VGLL4: variants seen among roughly 807,000 people sequenced by gnomAD.
VGLL4 encodes the protein vestigial like family member 4, also known as transcription cofactor vestigial-like protein 4.
VGLL4 carries 7 observed loss-of-function variants against 21.0 expected under a neutral mutation model. The observed-to-expected ratio is 0.33, with a 90% confidence interval of 0.19 to 0.63. The LOEUF (loss-of-function observed/expected upper bound fraction) is 0.63. Among genes scored for constraint, VGLL4 ranks in the 20% least tolerant of loss-of-function variants. VGLL4 has a pLI of 0.78. For synonymous variants in VGLL4, 222 were observed against 173.2 expected, an observed-to-expected ratio of 1.28 and a Z score of -2.21; for missense variants, 394 against 425.7, an observed-to-expected ratio of 0.93 and a Z score of 0.66.
At chr3:11,641,118 CAAA>C (rs10547055) in intron 1 of VGLL4, among the ~76,000 whole-genome samples, 38 of 91,782 alleles carry the variant, frequency 4.1e-4, no homozygotes, top group Admixed American at 6.1e-4. Context: ...ACTTCATCAC[CAAA>C]AAAAAAAAAA....
intron 2 of VGLL4, among the ~76,000 whole-genome samples, chr3:11,581,681 C>G (rs2125225516): frequency 6.6e-6 from 1 of 152,326 alleles, no homozygotes; most frequent in East Asian, 1.9e-4. Context: ...AGCAGGGACT[C>G]AAGTACAATT....
At chr3:11,628,543 G>A (rs544763689) in intron 1 of VGLL4, among the ~76,000 whole-genome samples, 15 of 152,042 alleles carry the variant, frequency 9.9e-5, no homozygotes, top group East Asian at 7.8e-4. Flanking sequence ...AATCTCGGCC[G>A]GGCGCGGTGG....
chr3:11,619,175 T>G (rs1430012805), intron 1 of VGLL4, among the ~76,000 whole-genome samples: 4 of 152,156 alleles, frequency 2.6e-5, no homozygotes, highest in Admixed American at 6.5e-5. Flanking sequence ...GCCCTGCACT[T>G]CAAAGGTACA....
intron 1 of VGLL4, among the ~76,000 whole-genome samples, chr3:11,624,462 A>C (rs976884242): frequency 3.7e-4 from 56 of 152,218 alleles, no homozygotes; most frequent in Non-Finnish European, 7.3e-5. Context: ...CTAACACGTG[A>C]AACAGCTCAA....
At chr3:11,710,776 G>T (rs988624587) in intron 1 of VGLL4, among the ~76,000 whole-genome samples, 15 of 152,192 alleles carry the variant, frequency 9.9e-5, no homozygotes, top group Non-Finnish European at 1.9e-4. Flanking sequence ...ATCACACCAT[G>T]GCATGGGGTG....
chr3:11,567,598 G>A (rs2073596130), intron 2 of VGLL4, among the ~76,000 whole-genome samples: 1 of 152,210 alleles, frequency 6.6e-6, no homozygotes, highest in African/African-American at 2.4e-5. Context: ...AATGTCATCT[G>A]TCTGTGGCGA....
At chr3:11,637,383 G>GTACTAGTA (rs2075608651) in intron 1 of VGLL4, among the ~76,000 whole-genome samples, 1 of 149,066 alleles carries the variant, frequency 6.7e-6, no homozygotes, top group Non-Finnish European at 1.5e-5. Flanking sequence ...TAACAAAATG[G>GTACTAGTA]TACTAGTACT....
intron 2 of VGLL4, among the ~76,000 whole-genome samples, chr3:11,660,702 T>C (rs186378328): frequency 6.6e-5 from 10 of 152,350 alleles, no homozygotes; most frequent in Admixed American, 5.9e-4. Flanking sequence ...TTTAATATTG[T>C]AAATGTTATA....
intron 1 of VGLL4, among the ~76,000 whole-genome samples, chr3:11,717,579 G>A (rs553353997): frequency 4.2e-5 from 6 of 142,070 alleles, no homozygotes; most frequent in Non-Finnish European, 9.0e-5. Flanking sequence ...GGCCTCAAGC[G>A]ATCCTCTTAT....
At chr3:11,639,425 G>A (rs2075647026) in intron 1 of VGLL4, among the ~76,000 whole-genome samples, 2 of 152,230 alleles carry the variant, frequency 1.3e-5, no homozygotes, top group African/African-American at 2.4e-5. Flanking sequence ...CATCACAACA[G>A]CCTCGGAATT....
intron 2 of VGLL4, among the ~76,000 whole-genome samples, chr3:11,583,546 C>CA (rs2074289698): frequency 6.6e-6 from 1 of 152,168 alleles, no homozygotes; most frequent in African/African-American, 2.4e-5. Flanking sequence ...TAATGGTACT[C>CA]AACAAGAGAC....
In VGLL4 at chr3:11,601,932, C is replaced by G. The variant is rs755514754; in HGVS notation, c.173G>C (p.Ser58Thr). ...SSHRTGPPPI[S>T]PSKRKFSMEP... ...CATGCTGAACTTCCTCTTGCTGGGGCTGATTGGGGGAGGGCCGGTGCGGTG... is the reference window on the plus strand; with the variant it reads ...CATGCTGAACTTCCTCTTGCTGGGGGTGATTGGGGGAGGGCCGGTGCGGTG... The change falls in exon 2 of 5, where the codon AGC becomes ACC. Residue 58 changes from serine to threonine, a missense_variant. Physicochemically the swap from Ser to Thr is moderately conservative, Grantham distance 58 (BLOSUM62 1). Transcript: ENST00000430365. The G allele has an allele frequency of 2.5e-6, 4 of 1,613,586 alleles. No homozygotes were observed. The highest frequency in any genetic ancestry group is 3.4e-6 in the Non-Finnish European group (4 of 1,179,796).
intron 2 of VGLL4, among the ~76,000 whole-genome samples, chr3:11,588,020 T>C (rs1299963481): frequency 6.6e-6 from 1 of 152,160 alleles, no homozygotes; most frequent in Non-Finnish European, 1.5e-5. Flanking sequence ...TTCTGGCACA[T>C]GTGGAAGTAA....
intron 1 of VGLL4, among the ~76,000 whole-genome samples, chr3:11,703,910 C>A (rs1014370105): frequency 1.3e-5 from 2 of 152,198 alleles, no homozygotes; most frequent in Non-Finnish European, 2.9e-5. Context: ...ATGTGGCAGA[C>A]CAGCTTTTCT....
upstream of VGLL4, among the ~76,000 whole-genome samples, chr3:11,645,996 CTA>C (rs1249709183): frequency 1.3e-5 from 2 of 152,060 alleles, no homozygotes; most frequent in Admixed American, 6.6e-5. Context: ...AACAAAAAAA[CTA>C]TATGACATCT....
intron 2 of VGLL4, among the ~76,000 whole-genome samples, chr3:11,690,015 C>A (rs1436387234): frequency 6.6e-6 from 1 of 152,162 alleles, no homozygotes; most frequent in Non-Finnish European, 1.5e-5. Flanking sequence ...CCCAACACCC[C>A]CTCAAGGATC....
At chr3:11,663,533 C>T (rs2076065826) in intron 2 of VGLL4, among the ~76,000 whole-genome samples, 1 of 152,026 alleles carries the variant, frequency 6.6e-6, no homozygotes, top group Admixed American at 6.5e-5. Flanking sequence ...GCCTGGCCAA[C>T]ATGGCAAAAC....
Position 11,559,636 on chromosome 3 carries a change from C to T in VGLL4, c.496-181G>A, listed in dbSNP as rs540618771. Among the ~76,000 whole-genome samples the T allele has an allele frequency of 9.8e-5, 15 of 152,370 alleles. No individual in the cohort carries two copies. In the South Asian group the frequency reaches 3.1e-3, roughly 32 times the overall value. On this transcript the variant is annotated intron_variant, in intron 3 of 4. Coordinates refer to ENST00000430365, the MANE Select transcript of VGLL4 (RefSeq NM_001128219.3). ...CAGCCAATCCACAGAGTGAGCGCAG[C>T]TCCAAGGGTGTGTGTAGTGGCCCTT...
At position 11,568,291 on chromosome 3, in the gene VGLL4, C is replaced by A. The variant is rs528626680; in HGVS notation, c.273-3272G>T. ...CAGTCACGCAGATGACTCAGCTGCGCCTTAGGAAATCCAAGCATGACTATG... is the reference window on the plus strand; with the variant it reads ...CAGTCACGCAGATGACTCAGCTGCGACTTAGGAAATCCAAGCATGACTATG... On this transcript the variant is annotated intron_variant, in intron 2 of 4. Coordinates refer to ENST00000430365, the MANE Select transcript of VGLL4 (RefSeq NM_001128219.3). The surrounding 1 kb of genome is among the most constrained non-coding windows in gnomAD (Gnocchi z 5.9). Among the ~76,000 whole-genome samples, 7 of 152,300 alleles carry A rather than the reference C, an allele frequency of 4.6e-5. No homozygotes were observed. The South Asian group carries it at 1.4e-3, about 32-fold the overall frequency.
Sources: allele counts gnomAD v4.1 joint callset (sites outside exome capture counted in the v4.1 genomes callset), GRCh38; gene constraint gnomAD v4.1.1; non-coding constraint Gnocchi (gnomAD v3.1); transcripts MANE v1.5; gene names NCBI Gene and HGNC (gene_info 2026-07-23, HGNC 2026-07-21).